ABCA4: variants seen among roughly 807,000 people sequenced by gnomAD.
ABCA4 encodes retinal-specific phospholipid-transporting ATPase ABCA4.
In ABCA4, 196 loss-of-function variants were observed where a neutral mutation model predicts 263.7. That is an observed-to-expected ratio of 0.74 (90% CI 0.66 to 0.84). The LOEUF (loss-of-function observed/expected upper bound fraction) is 0.84. ABCA4 is among the 40% of genes least tolerant of loss of function. ABCA4 has a pLI of 0.00. For synonymous variants in ABCA4, 1,133 were observed against 1,094.2 expected, an observed-to-expected ratio of 1.04 and a Z score of -0.70; for missense variants, 2,792 against 2,855.1, an observed-to-expected ratio of 0.98 and a Z score of 0.50.
Position 94,014,751 on chromosome 1 carries a change from G to A in ABCA4, c.5313-61C>T, listed in dbSNP as rs115227175. On this transcript the variant is annotated intron_variant, in intron 37 of 49. Transcript: ENST00000370225. The stretch of plus-strand genomic sequence containing the variant: ...CCACATTCCATTCCACCTACAATAC[G>A]TCTGGATATAATGCACTCCCCTTAC... The A allele has an allele frequency of 1.3e-4, 206 of 1,604,322 alleles. No homozygotes were observed. The African/African-American group carries it at 2.1e-3, about 16-fold the overall frequency.
intron 4 of ABCA4, among the ~76,000 whole-genome samples, chr1:94,104,077 A>G (rs1234493665): frequency 6.6e-6 from 1 of 152,194 alleles, no homozygotes; most frequent in East Asian, 1.9e-4. Context: ...CACTCAATAA[A>G]TGCTTATTAT....
intron 30 of ABCA4, among the ~76,000 whole-genome samples, chr1:94,026,837 C>T (rs898520914): frequency 5.9e-5 from 9 of 152,218 alleles, no homozygotes; most frequent in South Asian, 4.2e-4. Flanking sequence ...ATCAGGCCCA[C>T]GCCCTCTGGA....
chr1:94,008,214 C>T (rs375650348), intron 42 of ABCA4, 21 bp downstream of exon 42: 42 of 1,613,184 alleles, frequency 2.6e-5, no homozygotes, highest in African/African-American at 1.2e-4. Flanking sequence ...GCCTTTCACA[C>T]GTGGTCTGCA....
intron 26 of ABCA4, among the ~76,000 whole-genome samples, chr1:94,032,826 C>T (rs1310918682): frequency 6.6e-6 from 1 of 152,218 alleles, no homozygotes; most frequent in Non-Finnish European, 1.5e-5. Flanking sequence ...AGCAGAAGCT[C>T]TCCCTGGGGA....
intron 42 of ABCA4, among the ~76,000 whole-genome samples, 172 bp from the exon 43 acceptor site, chr1:94,007,912 T>A (rs1049484456): frequency 1.3e-5 from 2 of 152,196 alleles, no homozygotes; most frequent in Non-Finnish European, 2.9e-5. Flanking sequence ...TAAGTCCCAG[T>A]TGACACGGGC....
rs549309748 is a variant in ABCA4, at chr1:94,047,199, T to C, written c.2744-106A>G. Reference sequence around the variant, plus strand: ...TTCTGCCTATAACGTCACCTGCCCCTGTGGCTTCGGCTATCACCGTTGCAA... The same window carrying C: ...TTCTGCCTATAACGTCACCTGCCCCCGTGGCTTCGGCTATCACCGTTGCAA... On this transcript the variant is annotated intron_variant, in intron 18 of 49. Transcript: ENST00000370225. 5 of 1,282,828 alleles carry C rather than the reference T, an allele frequency of 3.9e-6. No individual in the cohort carries two copies. The East Asian group carries it at 1.2e-4, about 30-fold the overall frequency. 79.5% of individuals were successfully genotyped at this position (1,282,828 alleles called of 1,614,324 possible).
At chr1:94,103,353 G>A (rs1230672287) in intron 4 of ABCA4, among the ~76,000 whole-genome samples, 1 of 152,066 alleles carries the variant, frequency 6.6e-6, no homozygotes, top group East Asian at 1.9e-4. Flanking sequence ...AATTTAGTAA[G>A]AAGGTGGAAA....
intron 5 of ABCA4, among the ~76,000 whole-genome samples, chr1:94,102,415 C>G (rs1202738418): frequency 2.6e-5 from 4 of 151,982 alleles, no homozygotes; most frequent in Admixed American, 1.3e-4. Flanking sequence ...CGGAACTCCC[C>G]TCTCACTTAC....
chr1:94,015,351 C>T lies in ABCA4; in HGVS notation c.5312+388G>A, dbSNP rs190120794. ...TTTGGCCGGAGTCTTCTACTGTGGG[C>T]GGTAACTCTTGGCCAGTTCACATGG... On this transcript the variant is annotated intron_variant, in intron 37 of 49. Transcript: ENST00000370225. Among the ~76,000 whole-genome samples the T allele has an allele frequency of 4.4e-4, 67 of 152,200 alleles. No homozygotes were observed. The East Asian group carries it at 9.5e-3, about 22-fold the overall frequency.
At chr1:94,017,587 C>T (rs760582878) in intron 36 of ABCA4, among the ~76,000 whole-genome samples, 4 of 152,064 alleles carry the variant, frequency 2.6e-5, no homozygotes, top group Admixed American at 6.5e-5. Flanking sequence ...GGGCAATGGG[C>T]GAAAGAGGAG....
intron 11 of ABCA4, among the ~76,000 whole-genome samples, chr1:94,069,710 G>A (rs1661356430): frequency 6.6e-6 from 1 of 152,262 alleles, no homozygotes; most frequent in Admixed American, 6.5e-5. Context: ...AAAATCCACT[G>A]GATAAAACAG....
chr1:94,074,259 T>C (rs1570402959), intron 11 of ABCA4, among the ~76,000 whole-genome samples: 1 of 152,174 alleles, frequency 6.6e-6, no homozygotes, highest in East Asian at 1.9e-4. Flanking sequence ...ACACAAGCAA[T>C]GGGGAAAGGA....
At chr1:94,030,946 C>T (rs1660182790) in intron 28 of ABCA4, 50 bp downstream of exon 28, 1 of 1,612,826 alleles carries the variant, frequency 6.2e-7, no homozygotes, top group Non-Finnish European at 8.5e-7. Flanking sequence ...AGCATGTGAC[C>T]CAGGTGCCCC....
intron 6 of ABCA4, among the ~76,000 whole-genome samples, chr1:94,097,643 G>A (rs1026670429): frequency 2.6e-5 from 4 of 152,204 alleles, no homozygotes; most frequent in Admixed American, 1.3e-4. Flanking sequence ...AAGGTAACAG[G>A]ATAGATTCTG....
In ABCA4 at chr1:94,031,046, G is replaced by A. The variant is rs1801666; in HGVS notation, c.4203C>T (p.Pro1401=). The A allele has an allele frequency of 4.9e-4, 787 of 1,614,118 alleles. 6 individuals are homozygous for A. In the East Asian group the frequency reaches 0.016, roughly 33 times the overall value. ...ATATCCAGGGGTGAAGGGTCAAAGC[G>A]GGGTATTCGCCAAAAGGAGGGATAA... The part of the protein sequence containing the change: ...SIVIPPFGEY[P]ALTLHPWIYG... Residue 1401 remains proline, a synonymous_variant, in exon 28 of 50, where the codon CCC becomes CCT. Coordinates refer to ENST00000370225, the MANE Select transcript of ABCA4 (RefSeq NM_000350.3).
At chr1:94,051,761 G>A (rs1660849123) in intron 16 of ABCA4, 63 bp from the exon 17 acceptor site, 5 of 1,249,636 alleles carry the variant, frequency 4.0e-6, no homozygotes, top group Non-Finnish European at 5.9e-6. Context: ...CCTTACCGCA[G>A]TTCTATAAGA....
At chr1:94,045,948 A>C in intron 19 of ABCA4, 1 of 456,098 alleles carries the variant, frequency 2.2e-6, no homozygotes, top group Non-Finnish European at 4.4e-6. Context: ...CTTGGAGGAG[A>C]GTGGGGCGCC....
intron 38 of ABCA4, 50 bp downstream of exon 38, chr1:94,014,493 A>G (rs1659667499): frequency 5.0e-6 from 8 of 1,603,596 alleles, no homozygotes; most frequent in East Asian, 2.2e-5. Context: ...ACCAACACAT[A>G]CTCTACTATC....
chr1:94,097,823 C>G (rs1170589066), intron 6 of ABCA4, among the ~76,000 whole-genome samples: 1 of 152,190 alleles, frequency 6.6e-6, no homozygotes, highest in Non-Finnish European at 1.5e-5. Context: ...AATCTCGGCT[C>G]ACTGCAAGCT....
Sources: gnomAD v4.1 joint callset for allele counts (sites outside exome capture counted in the v4.1 genomes callset) on GRCh38, gnomAD v4.1.1 for gene constraint, MANE v1.5 for transcripts, NCBI Gene and HGNC (gene_info 2026-07-23, HGNC 2026-07-21) for gene names.